The following FRMD6 variants were observed in gnomAD, a reference collection of about 807,000 sequenced individuals.
FRMD6 encodes FERM domain containing 6.
In FRMD6, 37 loss-of-function variants were observed where a neutral mutation model predicts 73.2. The observed-to-expected ratio is 0.51, with a 90% confidence interval of 0.39 to 0.66. FRMD6 has a LOEUF of 0.66. Ranked by LOEUF, FRMD6 falls within the 30% of genes least tolerant of loss-of-function variation. The pLI, the probability that FRMD6 is intolerant of heterozygous loss-of-function variation, is 0.00. For missense variants in FRMD6, 714 were observed against 780.5 expected, an observed-to-expected ratio of 0.91 and a Z score of 1.02; for synonymous variants, 273 against 282.2, an observed-to-expected ratio of 0.97 and a Z score of 0.33.
At chr14:51,622,236 A>G (rs1329138040) in intron 2 of FRMD6, among the ~76,000 whole-genome samples, 1 of 152,226 alleles carries the variant, frequency 6.6e-6, no homozygotes, top group African/African-American at 2.4e-5. Context: ...TCAGCTAAAG[A>G]TATTTTAGGA....
chr14:51,452,138 A>C, the FRMD6 span, among the ~76,000 whole-genome samples: 11 of 152,378 alleles, frequency 7.2e-5, no homozygotes, highest in East Asian at 2.1e-3. Context: ...AGGGTAGCAA[A>C]ACTGGCAAGA....
intron 2 of FRMD6, among the ~76,000 whole-genome samples, chr14:51,604,414 A>G (rs1400217752): frequency 6.6e-6 from 1 of 152,174 alleles, no homozygotes; most frequent in Non-Finnish European, 1.5e-5. Context: ...CCAGATTATT[A>G]TCATTATTAT....
chr14:51,543,723 A>G (rs1886319411), intron 1 of FRMD6, among the ~76,000 whole-genome samples: 1 of 152,054 alleles, frequency 6.6e-6, no homozygotes, highest in African/African-American at 2.4e-5. Flanking sequence ...ATCACAAAAG[A>G]AAGAATTGCG....
At chr14:51,509,261 C>T (rs1156414688) in intron 1 of FRMD6, among the ~76,000 whole-genome samples, 3 of 152,142 alleles carry the variant, frequency 2.0e-5, no homozygotes, top group African/African-American at 4.8e-5. Flanking sequence ...CAGTGGCTCA[C>T]GCCTGTAATC....
intron 2 of FRMD6, among the ~76,000 whole-genome samples, chr14:51,694,553 TG>T (rs1352188685): frequency 2.0e-5 from 3 of 152,098 alleles, no homozygotes; most frequent in Non-Finnish European, 2.9e-5. Flanking sequence ...TAGCCAGGCA[TG>T]GTGGCACTGC....
At chr14:51,589,489 G>A (rs1025413595) in intron 2 of FRMD6, among the ~76,000 whole-genome samples, 1 of 152,072 alleles carries the variant, frequency 6.6e-6, no homozygotes, top group Non-Finnish European at 1.5e-5. Flanking sequence ...GAAGAAGGGT[G>A]AGGGAGAACA....
intron 1 of FRMD6, among the ~76,000 whole-genome samples, chr14:51,550,114 C>T (rs1454543704): frequency 6.6e-6 from 1 of 152,210 alleles, no homozygotes; most frequent in East Asian, 1.9e-4. Flanking sequence ...GCTCATGCCA[C>T]ATTGGCTAAT....
At chr14:51,694,100 T>C (rs1182977476) in intron 2 of FRMD6, among the ~76,000 whole-genome samples, 1 of 152,204 alleles carries the variant, frequency 6.6e-6, no homozygotes, top group Non-Finnish European at 1.5e-5. Flanking sequence ...ATGTTGCCTT[T>C]TTGCATATGG....
At chr14:51,684,024 CT>C (rs1894986257) in intron 1 of FRMD6, among the ~76,000 whole-genome samples, 1 of 152,086 alleles carries the variant, frequency 6.6e-6, no homozygotes, top group African/African-American at 2.4e-5. Flanking sequence ...ATGTCAACTA[CT>C]TTCTTTATAG....
chr14:51,660,672 A>G (rs1053847834), intron 1 of FRMD6, among the ~76,000 whole-genome samples: 48 of 151,746 alleles, frequency 3.2e-4, no homozygotes, highest in African/African-American at 1.1e-3. Flanking sequence ...GGAGGCAATC[A>G]GCATAAGAAA....
At chr14:51,654,975 G>T (rs1892715876) in intron 1 of FRMD6, among the ~76,000 whole-genome samples, 1 of 151,298 alleles carries the variant, frequency 6.6e-6, no homozygotes, top group Admixed American at 6.6e-5. Flanking sequence ...TATTCAGTTT[G>T]TGTATCCTTA....
intron 1 of FRMD6, among the ~76,000 whole-genome samples, chr14:51,512,123 C>T (rs1434404139): frequency 6.6e-6 from 1 of 152,100 alleles, no homozygotes; most frequent in East Asian, 1.9e-4. Context: ...GTGATGAGCT[C>T]AGTCACTGAA....
intron 1 of FRMD6, among the ~76,000 whole-genome samples, chr14:51,543,698 C>T (rs1313358067): frequency 6.6e-6 from 1 of 151,962 alleles, no homozygotes; most frequent in East Asian, 1.9e-4. Context: ...GAGAATGAGA[C>T]TAAAGTGCTG....
Position 51,722,022 on chromosome 14 carries a change from C to T in FRMD6, c.1434C>T (p.Asp478=), listed in dbSNP as rs1236399583. ...AAGAGTCTCTGGAAGTCAGCCCAGA[C>T]ATGTGCATCTACATCACAGAGGACA... is the stretch of plus-strand genomic sequence containing the variant. ...MNEESLEVSP[D]MCIYITEDML... The change falls in exon 12 of 14, where the codon GAC becomes GAT. Residue 478 remains aspartate (D), a synonymous_variant. Transcript: ENST00000344768. 1 of 1,614,122 alleles carries T rather than the reference C, an allele frequency of 6.2e-7. No individual in the cohort carries two copies. The highest frequency in any genetic ancestry group is 2.2e-5 in the East Asian group (1 of 44,882).
At chr14:51,501,863 A>C (rs1439085098) in intron 1 of FRMD6, among the ~76,000 whole-genome samples, 1 of 152,098 alleles carries the variant, frequency 6.6e-6, no homozygotes, top group African/African-American at 2.4e-5. Context: ...TGTTCCTTTT[A>C]ATCTGCAACC....
intron 1 of FRMD6, among the ~76,000 whole-genome samples, chr14:51,540,130 C>G (rs1195994019): frequency 6.6e-6 from 1 of 151,954 alleles, no homozygotes; most frequent in Non-Finnish European, 1.5e-5. Context: ...TTGGTGATGG[C>G]ATAGATCCCC....
chr14:51,459,619 AG>A, the FRMD6 span, among the ~76,000 whole-genome samples: 1 of 151,956 alleles, frequency 6.6e-6, no homozygotes, highest in Non-Finnish European at 1.5e-5. Context: ...CGAGGTCAGG[AG>A]ATTGAGACCA....
rs574199617 is a variant in FRMD6, at chr14:51,490,662, A to T, written c.-210+1242A>T. ...TAAAATGCGAAATTTCTTCTTTAGT[A>T]ACCTTTACCTACCTCTTATTCGTGT... On this transcript the variant is annotated intron_variant, in intron 1 of 14. Transcript: ENST00000356218. Among the ~76,000 whole-genome samples the T allele has an allele frequency of 2.0e-3, 277 of 141,500 alleles. 2 individuals carry two copies. Among genetic ancestry groups the T allele is most frequent in the African/African-American group, 6.6e-3 (263 of 40,042 alleles). The allele number at this position is 141,500 out of a possible 152,430, so 92.8% of individuals were successfully genotyped here.
At chr14:51,564,480 G>C (rs981236948) in intron 1 of FRMD6, among the ~76,000 whole-genome samples, 15 of 152,178 alleles carry the variant, frequency 9.9e-5, no homozygotes, top group African/African-American at 3.6e-4. Flanking sequence ...GCGACCTGAA[G>C]GGACCCAGGG....
Sources: allele counts gnomAD v4.1 joint callset (sites outside exome capture counted in the v4.1 genomes callset), GRCh38; gene constraint gnomAD v4.1.1; transcripts MANE v1.5; gene names NCBI Gene and HGNC (gene_info 2026-07-23, HGNC 2026-07-21).